The following RPSA2 variants were observed in gnomAD, a reference collection of about 807,000 sequenced individuals.
RPSA2 encodes small ribosomal subunit protein uS2B.
chr19:23,812,145 T>G, the RPSA2 span, among the ~76,000 whole-genome samples: 1 of 152,104 alleles, frequency 6.6e-6, no homozygotes, highest in African/African-American at 2.4e-5. Context: ...TATATTGTGG[T>G]TTTTTACTAT....
the RPSA2 span, among the ~76,000 whole-genome samples, chr19:23,834,129 A>G: frequency 8.5e-5 from 13 of 152,112 alleles, no homozygotes; most frequent in Non-Finnish European, 2.9e-5. Flanking sequence ...ACACTACTGT[A>G]AATCAGAGTG....
chr19:23,841,231 G>A, the RPSA2 span, among the ~76,000 whole-genome samples: 5 of 152,014 alleles, frequency 3.3e-5, no homozygotes, highest in African/African-American at 4.8e-5. Context: ...TTGGGAGGCC[G>A]AGGCAGGCAG....
the RPSA2 span, among the ~76,000 whole-genome samples, chr19:23,867,186 G>A: frequency 6.6e-6 from 1 of 152,170 alleles, no homozygotes; most frequent in Non-Finnish European, 1.5e-5. Flanking sequence ...CACAGGAGCT[G>A]ATGTGTCAGT....
At chr19:23,774,212 A>G in the RPSA2 span, among the ~76,000 whole-genome samples, 1 of 152,214 alleles carries the variant, frequency 6.6e-6, no homozygotes, top group East Asian at 1.9e-4. Flanking sequence ...CACCCAGGTT[A>G]TGTGACTCTC....
At chr19:23,800,331 T>C in the RPSA2 span, among the ~76,000 whole-genome samples, 1 of 152,184 alleles carries the variant, frequency 6.6e-6, no homozygotes, top group Non-Finnish European at 1.5e-5. Context: ...TAAGCCAGCA[T>C]GCCCAACCTC....
At chr19:23,806,916 C>A in the RPSA2 span, among the ~76,000 whole-genome samples, 261 of 151,904 alleles carry the variant, frequency 1.7e-3, no homozygotes, top group Non-Finnish European at 3.0e-3. Context: ...TTCCATATAA[C>A]CGATGTTTTC....
chr19:23,798,487 A>G, the RPSA2 span, among the ~76,000 whole-genome samples: 1 of 152,186 alleles, frequency 6.6e-6, no homozygotes, highest in Non-Finnish European at 1.5e-5. Context: ...ATTTTCTACA[A>G]TAGTATGAAT....
At chr19:23,771,588 G>T in the RPSA2 span, among the ~76,000 whole-genome samples, 1 of 150,642 alleles carries the variant, frequency 6.6e-6, no homozygotes, top group Admixed American at 6.6e-5. Flanking sequence ...TACAGACGGG[G>T]TTGTGCCATA....
At chr19:23,827,594 A>G in the RPSA2 span, 26 of 1,588,482 alleles carry the variant, frequency 1.6e-5, no homozygotes, top group East Asian at 2.2e-5. Flanking sequence ...CCTACCTACC[A>G]TTGCGCTGTG....
the RPSA2 span, among the ~76,000 whole-genome samples, chr19:23,852,733 TGGCCAGTCTTGG>T: frequency 1.1e-4 from 16 of 152,230 alleles, no homozygotes; most frequent in Non-Finnish European, 2.2e-4. Flanking sequence ...ATTTTGTTTA[TGGCCAGTCTTGG>T]GGCCAGTTTA....
At chr19:23,812,388 C>CTTTTTTTTTTTTTTTTTTTTTTTTTTTT in the RPSA2 span, among the ~76,000 whole-genome samples, 2 of 114,182 alleles carry the variant, frequency 1.8e-5, no homozygotes, top group Non-Finnish European at 3.4e-5. Flanking sequence ...CTCTTTTTCT[C>CTTTTTTTTTTTTTTTTTTTTTTTTTTTT]TTTTTTTTTT....
At chr19:23,782,884 C>T in the RPSA2 span, among the ~76,000 whole-genome samples, 1 of 152,072 alleles carries the variant, frequency 6.6e-6, no homozygotes, top group South Asian at 2.1e-4. Context: ...AGGCTTCTCA[C>T]CTAGGTAATG....
chr19:23,839,598 C>A, the RPSA2 span, among the ~76,000 whole-genome samples: 3 of 152,232 alleles, frequency 2.0e-5, no homozygotes, highest in African/African-American at 7.2e-5. Flanking sequence ...GCCAGAGTCA[C>A]GCCTTCCCTG....
At chr19:23,762,504 C>T in the RPSA2 span, among the ~76,000 whole-genome samples, 1 of 151,526 alleles carries the variant, frequency 6.6e-6, no homozygotes, top group Non-Finnish European at 1.5e-5. Flanking sequence ...GGTGAAACCT[C>T]ATCTCTACTA....
the RPSA2 span, chr19:23,832,629 A>G: frequency 5.6e-6 from 8 of 1,434,294 alleles, no homozygotes; most frequent in South Asian, 1.2e-5. Context: ...ACTGGGAGAG[A>G]CCCTACAAAT....
chr19:23,858,080 T>C, the RPSA2 span, among the ~76,000 whole-genome samples: 150,448 of 151,962 alleles, frequency 0.99, 74,493 homozygotes, highest in Middle Eastern at 1. Flanking sequence ...GGAAAGACTC[T>C]GTATAAGTTT....
chr19:23,843,110 C>G, the RPSA2 span: 1 of 159,852 alleles, frequency 6.3e-6, no homozygotes, highest in Non-Finnish European at 1.4e-5. Flanking sequence ...CTCCTCTGTA[C>G]TAAACATGGT....
the RPSA2 span, among the ~76,000 whole-genome samples, chr19:23,796,440 A>G: frequency 0.012 from 1,782 of 149,898 alleles, 40 homozygotes; most frequent in African/African-American, 0.041. Context: ...TTTTAATCTC[A>G]GCCAGGTTTC....
the RPSA2 span, among the ~76,000 whole-genome samples, chr19:23,820,498 T>G: frequency 6.6e-6 from 1 of 152,146 alleles, no homozygotes; most frequent in East Asian, 1.9e-4. Context: ...AGGGCTTCTT[T>G]TCTAGAGTGT....
Sources: allele counts gnomAD v4.1 joint callset (sites outside exome capture counted in the v4.1 genomes callset), GRCh38; gene constraint gnomAD v4.1.1; transcripts MANE v1.5; gene names NCBI Gene and HGNC (gene_info 2026-07-23, HGNC 2026-07-21).